Variants in AIFM1 observed in about 807,000 individuals in gnomAD.
The protein encoded by AIFM1 is apoptosis-inducing factor 1, mitochondrial.
AIFM1 carries 3 observed loss-of-function variants against 51.7 expected under a neutral mutation model. That is an observed-to-expected ratio of 0.06 (90% CI 0.03 to 0.15). The LOEUF (loss-of-function observed/expected upper bound fraction) is 0.15, where lower values mean the gene tolerates loss of function less well. AIFM1 is among the 10% of genes least tolerant of loss of function. The probability of loss-of-function intolerance (pLI) is 1.00; values close to 1 mark genes in which losing one functional copy is unlikely to be tolerated. For missense variants in AIFM1, 330 were observed against 476.8 expected, an observed-to-expected ratio of 0.69 and a Z score of 2.87; for synonymous variants, 178 against 179.4, an observed-to-expected ratio of 0.99 and a Z score of 0.06.
chrX:130,138,062 C>CA (rs752207106), intron 9 of AIFM1: 519 of 39,626 alleles, frequency 0.013, 4 homozygotes, highest in South Asian at 0.061. Context: ...AACTCCATCT[C>CA]AAAAAAAAAA....
At position 130,130,067 on chromosome X, in the gene AIFM1, T is replaced by A; in HGVS notation, c.1673A>T (p.Glu558Val). The A allele has an allele frequency of 8.3e-7, 1 of 1,211,049 alleles. No individual in the cohort carries two copies. The highest frequency in any genetic ancestry group is 1.1e-6 in the Non-Finnish European group (1 of 895,010). ...PAVPQAPVQG[E>V]DYGKGVIFYL... ...GAAGATGACACCTTTGCCGTAGTCC[T>A]CCCCCTGGACGGGAGCCTGTGGAAC... Residue 558 changes from glutamate (E) to valine (V), a missense_variant, in exon 15 of 16, where the codon GAG becomes GTG. Physicochemically the swap from Glu to Val is moderately radical, Grantham distance 121. Around this residue, in one of 4 missense-constraint regions of AIFM1, gnomAD observed 56 missense variants for 48.8 expected, o/e 1.15. Transcript: ENST00000287295.
chrX:130,146,831 T>G (rs142319513), intron 5 of AIFM1, among the ~76,000 whole-genome samples: 167 of 112,046 alleles, frequency 1.5e-3, no homozygotes, highest in African/African-American at 5.0e-3. Context: ...AAAAAGTTTC[T>G]TTTCTTCTGC....
chrX:130,138,220 C>T (rs1196607596), intron 9 of AIFM1, among the ~76,000 whole-genome samples: 1 of 111,916 alleles, frequency 8.9e-6, no homozygotes, highest in Non-Finnish European at 1.9e-5. Flanking sequence ...AATCCCAGCA[C>T]TTTGGGAGGC....
intron 1 of AIFM1, among the ~76,000 whole-genome samples, chrX:130,159,158 C>T (rs1313325725): frequency 8.9e-6 from 1 of 111,866 alleles, no homozygotes; most frequent in African/African-American, 3.3e-5. Flanking sequence ...ATAAAGTAGC[C>T]TCTCTCCAGT....
intron 13 of AIFM1, 71 bp from the exon 14 acceptor site, chrX:130,131,870 A>C: frequency 8.6e-7 from 1 of 1,160,656 alleles, no homozygotes; most frequent in African/African-American, 1.8e-5. Flanking sequence ...ATTCTCCATG[A>C]CACTGCATTT....
chrX:130,129,836 C>A, intron 15 of AIFM1, 134 bp downstream of exon 15: 1 of 874,405 alleles, frequency 1.1e-6, no homozygotes, highest in Non-Finnish European at 1.7e-6. Context: ...TGAGCCAAGG[C>A]TATACCTTTG....
intron 3 of AIFM1, 99 bp downstream of exon 3, chrX:130,149,370 A>G: frequency 1.5e-6 from 1 of 684,603 alleles, no homozygotes; most frequent in Non-Finnish European, 2.4e-6. Flanking sequence ...TCATACCACC[A>G]TTGCTTCTAC....
chrX:130,131,877 A>AT (rs750912775), intron 13 of AIFM1, 78 bp from the exon 14 acceptor site: 66,659 of 754,830 alleles, frequency 0.088, 2 homozygotes, highest in Non-Finnish European at 0.097. Flanking sequence ...ATGACACTGC[A>AT]TTTTTTTTTT....
chrX:130,137,536 A>G (rs1466655011), intron 9 of AIFM1: 1 of 1,166,014 alleles, frequency 8.6e-7, no homozygotes, highest in South Asian at 1.9e-5. Context: ...CTGAAAAAGA[A>G]CATTAAGAAA....
chrX:130,129,616 C>T lies in AIFM1; in HGVS notation c.1783G>A (p.Gly595Ser), dbSNP rs2124643483. The change falls in exon 16 of 16, where the codon GGT becomes AGT. Residue 595 changes from glycine to serine, a missense_variant. Gly to Ser is a moderately conservative substitution (Grantham distance 56). This residue lies in a region of AIFM1 where 12 missense variants were observed against 32.1 expected (regional missense o/e 0.37). Transcript: ENST00000287295. Reference sequence around the variant, plus strand: ...TCATTGAGATCTTCATGCTGCTCACCGTCCTTAATGATCTGAGGGAGAGAG... The same window carrying T: ...TCATTGAGATCTTCATGCTGCTCACTGTCCTTAATGATCTGAGGGAGAGAG... ...MPIARKIIKD[G>S]EQHEDLNEVA... 1 of 1,208,850 alleles carries T rather than the reference C, an allele frequency of 8.3e-7. No homozygotes were observed. Among genetic ancestry groups the T allele is most frequent in the Middle Eastern group, 2.3e-4 (1 of 4,352 alleles).
At chrX:130,137,014 G>A (rs894145029) in intron 10 of AIFM1, 64 bp downstream of exon 10, 26 of 1,210,258 alleles carry the variant, frequency 2.1e-5, no homozygotes, top group Non-Finnish European at 2.7e-5. Context: ...CTATAGAAGC[G>A]AAGTTTGCCT....
In AIFM1 at chrX:130,165,607, A is replaced by G. The variant is rs1226189659; in HGVS notation, c.50T>C (p.Val17Ala). 8.3e-7 allele frequency: 1 copy of G among 1,201,618 alleles called. No individual in the cohort carries two copies. The highest frequency in any genetic ancestry group is 1.7e-5 in the African/African-American group (1 of 57,199). The part of the protein sequence containing the change: ...LAAGALKQKL[V>A]PLVRTVCVRS... ...GACGCACACGGTCCGCACCAAGGGC[A>G]CCAGCTTCTGCTTCAAAGCACCCGC... Residue 17 changes from valine to alanine, a missense_variant, in exon 1 of 16, where the codon GTG becomes GCG. Transcript: ENST00000287295.
chrX:130,152,477 A>G (rs1190327480), intron 2 of AIFM1, among the ~76,000 whole-genome samples: 2 of 112,578 alleles, frequency 1.8e-5, no homozygotes, highest in Non-Finnish European at 3.7e-5. Flanking sequence ...AAATTTATGA[A>G]AAATATTAGT....
intron 6 of AIFM1, among the ~76,000 whole-genome samples, chrX:130,144,459 C>G (rs1318071216): frequency 8.9e-6 from 1 of 112,171 alleles, no homozygotes; most frequent in African/African-American, 3.2e-5. Flanking sequence ...ACTGCTCTAT[C>G]AGTATCGAGC....
intron 2 of AIFM1, among the ~76,000 whole-genome samples, chrX:130,150,458 C>T (rs1168417736): frequency 2.0e-5 from 2 of 99,202 alleles, no homozygotes; most frequent in Non-Finnish European, 4.1e-5. Context: ...GCCTCAGCCT[C>T]CCAAGTAGCT....
At chrX:130,138,506 C>T in intron 9 of AIFM1, 87 bp downstream of exon 9, 1 of 679,627 alleles carries the variant, frequency 1.5e-6, no homozygotes, top group East Asian at 3.2e-5. Flanking sequence ...ACTCTTCCTA[C>T]TGATCCTGCC....
At chrX:130,160,769 G>A (rs1391505440) in intron 1 of AIFM1, among the ~76,000 whole-genome samples, 1 of 110,321 alleles carries the variant, frequency 9.1e-6, no homozygotes, top group African/African-American at 3.3e-5. Context: ...CAGGGCAGGC[G>A]CGGTGGCTCA....
Position 130,152,944 on chromosome X carries a change from T to A in AIFM1, c.250-3376A>T, listed in dbSNP as rs1164761307. Among the ~76,000 whole-genome samples, 35 of 111,384 alleles carry A rather than the reference T, an allele frequency of 3.1e-4. 1 individual carries two copies. Among genetic ancestry groups the A allele is most frequent in the Non-Finnish European group, 5.7e-5 (3 of 53,069 alleles). ...GTATGATACCTAGTAAGAGTAGTTTTTGAAGCTTTGTTTCTTTTTATGTAT... is the reference window on the plus strand; with the variant it reads ...GTATGATACCTAGTAAGAGTAGTTTATGAAGCTTTGTTTCTTTTTATGTAT... On this transcript the variant is annotated intron_variant, in intron 2 of 15. Coordinates refer to ENST00000287295, the MANE Select transcript of AIFM1 (RefSeq NM_004208.4).
At position 130,139,782 on chromosome X, in the gene AIFM1, A is replaced by C. The variant is rs769724106; in HGVS notation, c.858+13T>G. 1.3e-5 allele frequency: 16 copies of C among 1,207,231 alleles called. No homozygotes were observed. The highest frequency in any genetic ancestry group is 1.7e-5 in the Non-Finnish European group (15 of 891,571). ...AAAAACAACACAAGGAAAACACTAA[A>C]GCAGACAATTACCTTTCTGAAAAGC... is the stretch of plus-strand genomic sequence containing the variant. On this transcript the variant is annotated intron_variant, in intron 8 of 15. Coordinates refer to ENST00000287295, the MANE Select transcript of AIFM1 (RefSeq NM_004208.4).
Sources: allele counts gnomAD v4.1 joint callset (sites outside exome capture counted in the v4.1 genomes callset), GRCh38; gene constraint gnomAD v4.1.1; regional missense constraint gnomAD v4.1.1; transcripts MANE v1.5; gene names NCBI Gene and HGNC (gene_info 2026-07-23, HGNC 2026-07-21).